STARD9: variants seen among roughly 807,000 people sequenced by gnomAD.
The protein encoded by STARD9 is StAR related lipid transfer domain containing 9, also known as stAR-related lipid transfer protein 9.
In STARD9, 346 loss-of-function variants were observed where a neutral mutation model predicts 399.8. The observed-to-expected ratio is 0.87, with a 90% CI of 0.79 to 0.95. The LOEUF (loss-of-function observed/expected upper bound fraction) is 0.95, where lower values mean the gene tolerates loss of function less well. Ranked by LOEUF, STARD9 falls within the 40% of genes least tolerant of loss-of-function variation. The probability of loss-of-function intolerance (pLI) is 0.00; values close to 1 mark genes in which losing one functional copy is unlikely to be tolerated. For synonymous variants in STARD9, 2,203 were observed against 2,143.5 expected (o/e 1.03, Z -0.77); for missense variants, 5,832 against 5,667.5 (o/e 1.03, Z -0.93).
Position 42,695,772 on chromosome 15 carries a change from T to G in STARD9, c.13176T>G (p.Asn4392Lys), listed in dbSNP as rs570752727. The part of the protein sequence containing the change: ...KEEDKLHTLA[N>K]SSSLCTSSNG... ...AGGATAAACTACATACCTTGGCCAA[T>G]TCCAGCTCCCTGTGCACCAGCTCTA... The change falls in exon 26 of 33, where the codon AAT (asparagine) becomes AAG (lysine). Residue 4392 changes from asparagine (N) to lysine (K), a missense_variant. Transcript: ENST00000290607. The G allele has an allele frequency of 4.8e-5, 74 of 1,537,114 alleles. No individual in the cohort carries two copies. In the East Asian group the frequency reaches 6.6e-4, roughly 14 times the overall value.
chr15:42,575,610 G>A lies in STARD9; in HGVS notation c.-106G>A. Reference sequence around the variant, plus strand: ...CGTCCGCGCGGCGGCGTCCCCAGAGGCGCGTGGGGCGGGCGGGGCTGGGTT... The same window carrying A: ...CGTCCGCGCGGCGGCGTCCCCAGAGACGCGTGGGGCGGGCGGGGCTGGGTT... On this transcript the variant is annotated 5_prime_UTR_variant, in exon 1 of 33. Transcript: ENST00000290607. 1 of 1,282,708 alleles carries A rather than the reference G, an allele frequency of 7.8e-7. No homozygotes were observed. The highest frequency in any genetic ancestry group is 1.1e-6 in the Non-Finnish European group (1 of 938,416). The allele number at this position is 1,282,708 out of a possible 1,614,324, so 79.5% of individuals were successfully genotyped here. A position where few individuals can be genotyped will look rare whatever the true frequency, so the allele number is the denominator to read the frequency against.
rs976595880 is a variant in STARD9, at chr15:42,669,186, A to C, written c.1346A>C (p.Gln449Pro). The C allele has an allele frequency of 2.6e-6, 4 of 1,535,694 alleles. No homozygotes were observed. The East Asian group carries it at 7.3e-5, about 28-fold the overall frequency. ...GACCAGCTGACTAAAGACTGGACCC[A>C]GAAGTGGAATGATTGGCAGGCCCTC... is the stretch of plus-strand genomic sequence containing the variant. ...KIDQLTKDWTQKWNDWQALME... is the reference protein window; with the variant it reads ...KIDQLTKDWTPKWNDWQALME... Residue 449 changes from glutamine (Q) to proline (P), a missense_variant, in exon 16 of 33, where the codon CAG becomes CCG. Gln to Pro is a moderately conservative substitution (Grantham distance 76). This residue lies in a region of STARD9 where 5,828 missense variants were observed against 5,651.1 expected (regional missense o/e 1.03). Coordinates refer to ENST00000290607, the MANE Select transcript of STARD9 (RefSeq NM_020759.3).
Position 42,694,743 on chromosome 15 carries a change from C to T in STARD9, c.12962+18C>T. ...ACCACCAGGTAGTGTGGACCGAGAA[C>T]CCTGCTGGGAGCAGGCTCTGTTGGG... is the stretch of plus-strand genomic sequence containing the variant. On this transcript the variant is annotated intron_variant, in intron 24 of 32. Transcript: ENST00000290607. 1.3e-6 allele frequency: 2 copies of T among 1,534,836 alleles called. No individual in the cohort carries two copies. The highest frequency in any genetic ancestry group is 1.7e-6 in the Non-Finnish European group (2 of 1,145,144).
chr15:42,596,999 C>G (rs1338397590), intron 3 of STARD9, among the ~76,000 whole-genome samples: 1 of 152,192 alleles, frequency 6.6e-6, no homozygotes, highest in African/African-American at 2.4e-5. Flanking sequence ...AAGGAGTTAG[C>G]ATATTAAGGA....
Position 42,690,220 on chromosome 15 carries a change from G to A in STARD9, c.8642G>A (p.Gly2881Glu). The A allele has an allele frequency of 6.5e-7, 1 of 1,537,604 alleles. No individual in the cohort carries two copies. The highest frequency in any genetic ancestry group is 2.4e-5 in the East Asian group (1 of 40,924). The change falls in exon 23 of 33, where the codon GGG (glycine) becomes GAG (glutamate). Residue 2881 changes from glycine (G) to glutamate (E), a missense_variant. This residue lies in a region of STARD9 where 5,828 missense variants were observed against 5,651.1 expected (regional missense o/e 1.03). Transcript: ENST00000290607. ...TGTGTGCAGTGTAAGGAGAGTGTTGGGTCTGGGTTGACAGAAGTCTGCAGG... is the reference window on the plus strand; with the variant it reads ...TGTGTGCAGTGTAAGGAGAGTGTTGAGTCTGGGTTGACAGAAGTCTGCAGG... ...QQCVQCKESV[G>E]SGLTEVCRAG...
chr15:42,710,181 C>T (rs1187713958), intron 26 of STARD9, among the ~76,000 whole-genome samples: 1 of 150,348 alleles, frequency 6.7e-6, no homozygotes, highest in Non-Finnish European at 1.5e-5. Flanking sequence ...CCACCTCAGC[C>T]TCCTGAGTAC....
At chr15:42,645,939 C>T (rs1016320775) in intron 7 of STARD9, among the ~76,000 whole-genome samples, 3 of 151,910 alleles carry the variant, frequency 2.0e-5, no homozygotes, top group African/African-American at 7.3e-5. Flanking sequence ...GTGGGTGGAT[C>T]ACCTGAGGTC....
chr15:42,644,659 T>C (rs774698928), intron 7 of STARD9, among the ~76,000 whole-genome samples: 3 of 152,200 alleles, frequency 2.0e-5, no homozygotes, highest in Non-Finnish European at 4.4e-5. Context: ...AAGGTTGGGA[T>C]GGCTGTGGCA....
At chr15:42,624,961 T>C (rs982584490) in intron 3 of STARD9, among the ~76,000 whole-genome samples, 6 of 152,212 alleles carry the variant, frequency 3.9e-5, no homozygotes, top group African/African-American at 1.4e-4. Flanking sequence ...ATTTTAACAA[T>C]GGAGTTACAG....
chr15:42,606,460 T>G (rs1381642827), intron 3 of STARD9, among the ~76,000 whole-genome samples: 2 of 152,128 alleles, frequency 1.3e-5, no homozygotes, highest in Non-Finnish European at 2.9e-5. Flanking sequence ...CACCTATTTT[T>G]AGTTTTGTTT....
chr15:42,578,106 AT>A (rs57016102), intron 1 of STARD9, among the ~76,000 whole-genome samples: 109,802 of 134,154 alleles, frequency 0.82, 44,412 homozygotes, highest in East Asian at 0.97. Flanking sequence ...TTGACGCTCA[AT>A]TTTTTTTTTT....
At chr15:42,608,424 A>C (rs1337165451) in intron 3 of STARD9, among the ~76,000 whole-genome samples, 2 of 152,100 alleles carry the variant, frequency 1.3e-5, no homozygotes, top group Non-Finnish European at 2.9e-5. Flanking sequence ...CCAACAATGA[A>C]ACCGGAATTG....
chr15:42,625,076 G>C (rs2059172825), intron 3 of STARD9, among the ~76,000 whole-genome samples: 1 of 151,930 alleles, frequency 6.6e-6, no homozygotes, highest in Admixed American at 6.6e-5. Flanking sequence ...ACCCAGGCTG[G>C]AGTATGGTGG....
At chr15:42,645,110 CAAACCCCTCAAT>C in intron 7 of STARD9, among the ~76,000 whole-genome samples, 1 of 152,176 alleles carries the variant, frequency 6.6e-6, no homozygotes, top group Non-Finnish European at 1.5e-5. Flanking sequence ...CAACTTATTC[CAAACCCCTCAAT>C]GTTGATATTT....
In STARD9 at chr15:42,716,915, T is replaced by TGAA; in HGVS notation, c.13373-12_13373-11insGAA. ...TCAGTGCTATCACAGGGCCTCCACC[T>TGAA]ATTTCTTGTAGGCCACAGAGCCTCC... On this transcript the variant is annotated splice_polypyrimidine_tract_variant and intron_variant, in intron 27 of 32. Transcript: ENST00000290607. The TGAA allele has an allele frequency of 6.5e-7, 1 of 1,537,170 alleles. No homozygotes were observed.
chr15:42,597,687 C>T (rs764744163), intron 3 of STARD9, among the ~76,000 whole-genome samples: 6 of 152,096 alleles, frequency 3.9e-5, no homozygotes, highest in Non-Finnish European at 7.4e-5. Flanking sequence ...AGGCACCTGC[C>T]ACCATGCCCA....
chr15:42,682,662 C>A, intron 22 of STARD9, 87 bp downstream of exon 22: 1 of 1,039,368 alleles, frequency 9.6e-7, no homozygotes, highest in Non-Finnish European at 1.4e-6. Flanking sequence ...CCCCATGCCT[C>A]ATTTCCTCAG....
rs767695257 is a variant in STARD9 at position 42,695,244 on chromosome 15, G to A, written c.13067G>A (p.Arg4356Gln). 22 of 1,537,048 alleles carry A rather than the reference G, an allele frequency of 1.4e-5. No individual in the cohort carries two copies. The highest frequency in any genetic ancestry group is 1.2e-4 in the Admixed American group (6 of 50,982). The change falls in exon 25 of 33, where the codon CGG becomes CAG. Residue 4356 changes from arginine (R) to glutamine (Q), a missense_variant. Arg to Gln is a conservative substitution (Grantham distance 43, BLOSUM62 1). This residue lies in a region of STARD9 where 5,828 missense variants were observed against 5,651.1 expected (regional missense o/e 1.03). Transcript: ENST00000290607. ...AHEEAKVEIA[R>Q]ARDQLRERTE... The stretch of plus-strand genomic sequence containing the variant: ...GAGGAGGCCAAGGTGGAGATTGCCC[G>A]GGCCCGAGACCAACTGCGGGAGCGG...
chr15:42,581,289 A>T, intron 1 of STARD9: 1 of 1,094,818 alleles, frequency 9.1e-7, no homozygotes, highest in Non-Finnish European at 1.4e-6. Flanking sequence ...GGTCTGAGCC[A>T]TGGAAGAACT....
Sources: gnomAD v4.1 joint callset for allele counts (sites outside exome capture counted in the v4.1 genomes callset) on GRCh38, gnomAD v4.1.1 for gene constraint, gnomAD v4.1.1 regional missense constraint, MANE v1.5 for transcripts, NCBI Gene and HGNC (gene_info 2026-07-23, HGNC 2026-07-21) for gene names.